The following CCDC144A variants were observed in gnomAD, a reference collection of about 807,000 sequenced individuals.
The protein encoded by CCDC144A is coiled-coil domain containing 144A, also known as coiled-coil domain-containing protein 144A.
Under a neutral mutation model 143.8 loss-of-function variants are expected in CCDC144A, and 41 were observed. The observed-to-expected ratio is 0.29, with a 90% CI of 0.22 to 0.37. CCDC144A has a LOEUF of 0.37. CCDC144A is among the 10% of genes least tolerant of loss of function. The probability of loss-of-function intolerance (pLI) is 1.00; values close to 1 mark genes in which losing one functional copy is unlikely to be tolerated. For missense variants in CCDC144A, 637 were observed against 1,488.8 expected (o/e 0.43, Z 9.41); for synonymous variants, 242 against 517.9 (o/e 0.47, Z 7.23).
intron 12 of CCDC144A, among the ~76,000 whole-genome samples, chr17:16,756,153 A>G (rs1915074488): frequency 6.6e-6 from 1 of 152,186 alleles, no homozygotes; most frequent in African/African-American, 2.4e-5. Flanking sequence ...ATCTCTCACA[A>G]GACTTGGTAG....
chr17:16,767,126 C>G (rs1187100342), intron 15 of CCDC144A: 1 of 152,364 alleles, frequency 6.6e-6, no homozygotes, highest in Non-Finnish European at 1.5e-5. Context: ...GAAACCCTGT[C>G]TCTGCTAAAA....
At chr17:16,762,676 A>G (rs1915430631) in intron 14 of CCDC144A, 143 bp downstream of exon 14, 1 of 983,198 alleles carries the variant, frequency 1.0e-6, no homozygotes, top group Non-Finnish European at 1.5e-6. Flanking sequence ...ATTGTAAATT[A>G]TAAATAGTAA....
chr17:16,723,648 CT>C (rs1913222122), intron 8 of CCDC144A, among the ~76,000 whole-genome samples: 1 of 152,056 alleles, frequency 6.6e-6, no homozygotes, highest in African/African-American at 2.4e-5. Flanking sequence ...TTTTTTCCCC[CT>C]GTGTCCTCAC....
upstream of CCDC144A, chr17:16,690,157 C>T (rs1910956170): frequency 8.4e-6 from 3 of 359,044 alleles, no homozygotes; most frequent in Non-Finnish European, 1.5e-5. Context: ...GCTGGAGCTG[C>T]AGATGCAGTG....
At chr17:16,753,731 C>G (rs570817865) in intron 12 of CCDC144A, among the ~76,000 whole-genome samples, 4 of 152,246 alleles carry the variant, frequency 2.6e-5, no homozygotes, top group Admixed American at 6.5e-5. Flanking sequence ...GACAGTTTGA[C>G]TTTCTGTTTT....
intron 12 of CCDC144A, chr17:16,745,833 G>A (rs1235245507): frequency 7.5e-6 from 12 of 1,604,786 alleles, no homozygotes. Context: ...TCTCTCCATG[G>A]CCTCCCCCGG....
chr17:16,689,289 G>A (rs1319469067), upstream of CCDC144A, among the ~76,000 whole-genome samples: 2 of 151,976 alleles, frequency 1.3e-5, no homozygotes, highest in African/African-American at 4.8e-5. Flanking sequence ...TTCACCTCCC[G>A]GGTTCAAGAG....
the CCDC144A span, among the ~76,000 whole-genome samples, chr17:16,681,452 G>GGTAAATC: frequency 6.6e-6 from 1 of 152,094 alleles, no homozygotes; most frequent in Non-Finnish European, 1.5e-5. Flanking sequence ...CTTACACTAA[G>GGTAAATC]TGATCTCCAG....
At chr17:16,706,928 A>G (rs1912097646) in intron 3 of CCDC144A, 1 of 152,156 alleles carries the variant, frequency 6.6e-6, no homozygotes, top group South Asian at 2.1e-4. Flanking sequence ...AACTTCACCT[A>G]GCAGTCTGTT....
At chr17:16,711,933 C>T (rs1912474482) in intron 6 of CCDC144A, 118 bp downstream of exon 6, 2 of 1,085,340 alleles carry the variant, frequency 1.8e-6, no homozygotes, top group Non-Finnish European at 2.7e-6. Flanking sequence ...GAGTTCAAGA[C>T]CAGCCTGACC....
intron 2 of CCDC144A, among the ~76,000 whole-genome samples, chr17:16,704,521 T>C (rs1911934607): frequency 6.6e-6 from 1 of 152,038 alleles, no homozygotes; most frequent in African/African-American, 2.4e-5. Flanking sequence ...GAAAATATTT[T>C]TGTTATGTAT....
At chr17:16,753,766 C>G (rs538999145) in intron 12 of CCDC144A, among the ~76,000 whole-genome samples, 1 of 150,194 alleles carries the variant, frequency 6.7e-6, no homozygotes, top group Admixed American at 6.6e-5. Context: ...CTTTATTTCT[C>G]TGACAATTTT....
chr17:16,697,544 G>A (rs1911486206), intron 2 of CCDC144A, among the ~76,000 whole-genome samples: 1 of 152,254 alleles, frequency 6.6e-6, no homozygotes. Flanking sequence ...CCTCAGACTA[G>A]TGTCAGTCTG....
intron 15 of CCDC144A, 180 bp downstream of exon 15, chr17:16,764,355 AAG>A (rs1915510455): frequency 1.4e-6 from 2 of 1,390,780 alleles, no homozygotes; most frequent in East Asian, 5.8e-5. Flanking sequence ...TCTCATTGAT[AAG>A]AGATTACTCC....
At chr17:16,693,144 A>T (rs1911187167) in intron 2 of CCDC144A, 95 bp downstream of exon 2, 6 of 1,421,752 alleles carry the variant, frequency 4.2e-6, no homozygotes, top group South Asian at 2.8e-5. Flanking sequence ...GAGCAGTTTT[A>T]AAAAATCTTT....
the CCDC144A span, among the ~76,000 whole-genome samples, chr17:16,667,288 T>TGAGGAGGCTGAGGCGGCTGAGGAGGC: frequency 0.092 from 11,766 of 127,490 alleles, 664 homozygotes; most frequent in East Asian, 0.21. Flanking sequence ...GGCTGAGGGG[T>TGAGGAGGCTGAGGCGGCTGAGGAGGC]TGAGGCGGCT....
At chr17:16,686,303 T>A (rs757631717), upstream of CCDC144A, among the ~76,000 whole-genome samples, 1 of 152,012 alleles carries the variant, frequency 6.6e-6, no homozygotes, top group South Asian at 2.1e-4. Flanking sequence ...TACCAGCCCC[T>A]CTCCAATGGG....
chr17:16,753,906 A>G (rs1205861953), intron 12 of CCDC144A, among the ~76,000 whole-genome samples: 1 of 152,248 alleles, frequency 6.6e-6, no homozygotes, highest in Non-Finnish European at 1.5e-5. Flanking sequence ...TTTATGAAAA[A>G]TTGGTGTTAG....
At chr17:16,729,124 T>G (rs1913581660) in intron 9 of CCDC144A, among the ~76,000 whole-genome samples, 1 of 152,186 alleles carries the variant, frequency 6.6e-6, no homozygotes, top group Non-Finnish European at 1.5e-5. Flanking sequence ...GATTGTTGGA[T>G]TGAATGGTAG....
Sources: allele counts gnomAD v4.1 joint callset (sites outside exome capture counted in the v4.1 genomes callset), GRCh38; gene constraint gnomAD v4.1.1; transcripts MANE v1.5; gene names NCBI Gene and HGNC (gene_info 2026-07-23, HGNC 2026-07-21).